The following APP variants were observed in gnomAD, a reference collection of about 807,000 sequenced individuals.
APP encodes the protein amyloid beta precursor protein, also known as amyloid-beta precursor protein.
A neutral mutation model predicts 101.4 loss-of-function variants in APP; 31 were observed. The ratio of observed to expected loss-of-function variants is 0.31; its 90% CI spans 0.23 to 0.41. The LOEUF (loss-of-function observed/expected upper bound fraction) is 0.41, where lower values mean the gene tolerates loss of function less well. APP is among the 10% of genes least tolerant of loss of function. The probability of loss-of-function intolerance (pLI) is 1.00; values close to 1 mark genes in which losing one functional copy is unlikely to be tolerated. For missense variants in APP, 839 were observed against 1,003.7 expected (o/e 0.84, Z 2.22); for synonymous variants, 366 against 364.4 (o/e 1.00, Z -0.05).
chr21:25,946,835 T>C (rs2040844013), intron 13 of APP, among the ~76,000 whole-genome samples: 1 of 152,178 alleles, frequency 6.6e-6, no homozygotes, highest in Non-Finnish European at 1.5e-5. Flanking sequence ...GGTTGATATT[T>C]AATTCCTCAA....
chr21:25,957,405 T>C (rs2041369161), intron 11 of APP, among the ~76,000 whole-genome samples: 1 of 152,228 alleles, frequency 6.6e-6, no homozygotes, highest in African/African-American at 2.4e-5. Flanking sequence ...AGGCTGACTC[T>C]TGTTGATTGT....
intron 11 of APP, among the ~76,000 whole-genome samples, chr21:25,971,672 A>AGG (rs1353113895): frequency 6.6e-6 from 1 of 152,174 alleles, no homozygotes; most frequent in Non-Finnish European, 1.5e-5. Flanking sequence ...AACTGAAGCC[A>AGG]GGGGGAAAAT....
intron 5 of APP, among the ~76,000 whole-genome samples, chr21:26,048,964 G>A (rs2045724093): frequency 6.6e-6 from 1 of 152,218 alleles, no homozygotes; most frequent in Admixed American, 6.5e-5. Flanking sequence ...GTTTTAGGAT[G>A]CCAGGAGAGT....
chr21:25,912,589 T>C (rs910058149), intron 13 of APP, among the ~76,000 whole-genome samples: 1 of 152,164 alleles, frequency 6.6e-6, no homozygotes, highest in Non-Finnish European at 1.5e-5. Context: ...CCCTTCCAGA[T>C]GTAGCCCTGC....
chr21:25,897,848 C>A, intron 15 of APP, 175 bp from the exon 16 acceptor site: 1 of 616,312 alleles, frequency 1.6e-6, no homozygotes, highest in Admixed American at 2.9e-5. Flanking sequence ...CAATTACTAC[C>A]TATTTTGAAC....
Position 25,993,860 on chromosome 21 carries a change from T to C in APP, c.1090+3500A>G, listed in dbSNP as rs115952282. On this transcript the variant is annotated intron_variant, in intron 8 of 17. Coordinates refer to ENST00000346798, the MANE Select transcript of APP (RefSeq NM_000484.4). ...GCATTTAGTGGGTAGGGGTCAGGGG[T>C]ACTGCTAAACACCCATATGCCTAGG... Among the ~76,000 whole-genome samples, 276 of 151,160 alleles carry C rather than the reference T, an allele frequency of 1.8e-3. 3 individuals are homozygous for C. The highest frequency in any genetic ancestry group is 6.4e-3 in the African/African-American group (261 of 40,922).
At chr21:25,977,812 GCTT>G (rs1447865624) in intron 9 of APP, among the ~76,000 whole-genome samples, 3 of 152,212 alleles carry the variant, frequency 2.0e-5, no homozygotes, top group African/African-American at 2.4e-5. Context: ...CTGCTTTGGT[GCTT>G]CTACCAAGTT....
intron 11 of APP, among the ~76,000 whole-genome samples, chr21:25,973,521 G>C (rs1038186299): frequency 6.6e-6 from 1 of 152,102 alleles, no homozygotes; most frequent in Non-Finnish European, 1.5e-5. Flanking sequence ...TAACAGCCTG[G>C]AACATTTACA....
intron 1 of APP, among the ~76,000 whole-genome samples, chr21:26,141,192 A>C (rs2063038114): frequency 1.3e-5 from 2 of 152,240 alleles, no homozygotes; most frequent in Admixed American, 1.3e-4. Context: ...CAACGCAAAG[A>C]GTCTAATGAA....
chr21:25,972,416 T>C (rs2042065641), intron 11 of APP, among the ~76,000 whole-genome samples: 1 of 152,092 alleles, frequency 6.6e-6, no homozygotes, highest in Non-Finnish European at 1.5e-5. Context: ...TTTCAGGCAG[T>C]GAAAGAGAAA....
rs868529941 is a variant in APP at position 25,912,221 on chromosome 21, G to A, written c.1688-259C>T. 1.2e-4 allele frequency among the ~76,000 whole-genome samples: 18 copies of A among 152,294 alleles called. No individual in the cohort carries two copies. In the Middle Eastern group the frequency reaches 0.014, roughly 115 times the overall value. On this transcript the variant is annotated intron_variant, in intron 13 of 17. Transcript: ENST00000346798. ...GACTGCAGGCAGGAGCATGGCAGCC[G>A]GCCAATGTGCTGCAGCGTGGCACTG...
At chr21:25,884,003 C>T (rs1876061) in intron 17 of APP, among the ~76,000 whole-genome samples, 70,445 of 151,446 alleles carry the variant, frequency 0.47, 16,966 homozygotes, top group African/African-American at 0.6. Flanking sequence ...CTCAGCCTCC[C>T]GAGTAGCTGG....
At chr21:25,906,284 G>A (rs2038785280) in intron 14 of APP, among the ~76,000 whole-genome samples, 1 of 152,252 alleles carries the variant, frequency 6.6e-6, no homozygotes, top group Non-Finnish European at 1.5e-5. Context: ...CCTTTCTCAT[G>A]TAGAGACTGG....
chr21:26,152,462 T>C (rs1404259732), intron 1 of APP, among the ~76,000 whole-genome samples: 1 of 151,924 alleles, frequency 6.6e-6, no homozygotes, highest in Admixed American at 6.6e-5. Flanking sequence ...GAACTTAAAA[T>C]AGTATGAGAT....
chr21:26,135,885 G>A (rs561578580), intron 1 of APP, among the ~76,000 whole-genome samples: 54 of 152,110 alleles, frequency 3.6e-4, no homozygotes, highest in African/African-American at 1.2e-3. Flanking sequence ...TGTAATCCCA[G>A]CACGCTGGGT....
chr21:26,084,302 G>A (rs45516392), intron 3 of APP, among the ~76,000 whole-genome samples: 7,157 of 143,726 alleles, frequency 0.05, 255 homozygotes, highest in East Asian at 0.097. Context: ...GCAGTGGCGC[G>A]ATCTCGGCTC....
At chr21:26,081,399 G>A (rs2061595990) in intron 3 of APP, among the ~76,000 whole-genome samples, 1 of 150,814 alleles carries the variant, frequency 6.6e-6, no homozygotes, top group Non-Finnish European at 1.5e-5. Flanking sequence ...TTCTCTGGGG[G>A]GCAGGGGTGG....
At chr21:26,160,310 G>A (rs1284770757) in intron 1 of APP, among the ~76,000 whole-genome samples, 1 of 152,112 alleles carries the variant, frequency 6.6e-6, no homozygotes, top group Non-Finnish European at 1.5e-5. Flanking sequence ...AACACCCTAT[G>A]GGTTAGCCAA....
chr21:26,105,087 A>AG (rs1481639891), intron 2 of APP, among the ~76,000 whole-genome samples: 31 of 132,126 alleles, frequency 2.3e-4, no homozygotes, highest in South Asian at 7.9e-4. Flanking sequence ...AAAAAAAAAA[A>AG]AAGAAGAAGA....
Sources: allele counts gnomAD v4.1 joint callset (sites outside exome capture counted in the v4.1 genomes callset), GRCh38; gene constraint gnomAD v4.1.1; transcripts MANE v1.5; gene names NCBI Gene and HGNC (gene_info 2026-07-23, HGNC 2026-07-21).